The following MEIS1 variants were observed in gnomAD, a reference collection of about 807,000 sequenced individuals.
MEIS1 encodes the protein Meis homeobox 1.
A neutral mutation model predicts 50.8 loss-of-function variants in MEIS1; 5 were observed. That is an observed-to-expected ratio of 0.10 (90% CI 0.05 to 0.21). The LOEUF is 0.21. Among genes scored for constraint, MEIS1 ranks in the 10% least tolerant of loss-of-function variants. MEIS1 has a pLI of 1.00. For missense variants in MEIS1, 318 were observed against 517.3 expected, an observed-to-expected ratio of 0.61 and a Z score of 3.74; for synonymous variants, 176 against 179.3, an observed-to-expected ratio of 0.98 and a Z score of 0.15.
intron 7 of MEIS1, among the ~76,000 whole-genome samples, chr2:66,488,386 A>T (rs1036196239): frequency 6.6e-6 from 1 of 152,220 alleles, no homozygotes; most frequent in Non-Finnish European, 1.5e-5. Context: ...ACATCAAATA[A>T]ACAATGAGCT....
rs117013657 is a variant in MEIS1 at position 66,508,651 on chromosome 2, C to A, written c.743-3498C>A. 4.6e-5 allele frequency among the ~76,000 whole-genome samples: 7 copies of A among 152,352 alleles called. No individual in the cohort carries two copies. The East Asian group carries it at 1.3e-3, about 29-fold the overall frequency. ...ACTGGCCTGCTAGTTAATTGCCACACGGACTTCATGACACATGGGCAGATA... is the reference window on the plus strand; with the variant it reads ...ACTGGCCTGCTAGTTAATTGCCACAAGGACTTCATGACACATGGGCAGATA... On this transcript the variant is annotated intron_variant, in intron 7 of 12. Coordinates refer to ENST00000272369, the MANE Select transcript of MEIS1 (RefSeq NM_002398.3).
At chr2:66,564,061 C>T (rs1675280693) in intron 9 of MEIS1, among the ~76,000 whole-genome samples, 1 of 152,148 alleles carries the variant, frequency 6.6e-6, no homozygotes, top group African/African-American at 2.4e-5. Flanking sequence ...TGAGAGATTA[C>T]TACATCCTAT....
intron 12 of MEIS1, 175 bp from the exon 13 acceptor site, chr2:66,571,071 C>A: frequency 1.5e-6 from 1 of 657,820 alleles, no homozygotes; most frequent in South Asian, 2.5e-5. Context: ...TGTGAGTTTC[C>A]AGCATGATGT....
chr2:66,534,477 T>G (rs1213327148), intron 8 of MEIS1, among the ~76,000 whole-genome samples: 1 of 151,954 alleles, frequency 6.6e-6, no homozygotes, highest in African/African-American at 2.4e-5. Context: ...GAGGTTGCAG[T>G]GAGCCAAGAT....
At chr2:66,455,210 A>G (rs1317843024) in intron 6 of MEIS1, among the ~76,000 whole-genome samples, 1 of 152,200 alleles carries the variant, frequency 6.6e-6, no homozygotes. Context: ...GTAGAATTTG[A>G]ACATTCAGGG....
intron 8 of MEIS1, 134 bp downstream of exon 8, chr2:66,512,428 A>T (rs1673852742): frequency 2.0e-6 from 2 of 1,010,032 alleles, no homozygotes; most frequent in African/African-American, 3.4e-5. Context: ...CAGTTTTTGC[A>T]AAAGTATTAG....
chr2:66,447,152 G>A (rs1672172037), intron 6 of MEIS1, among the ~76,000 whole-genome samples: 1 of 152,180 alleles, frequency 6.6e-6, no homozygotes, highest in South Asian at 2.1e-4. Context: ...GATAGGGCCA[G>A]CGAATATTTA....
At chr2:66,549,728 T>G (rs1024704374) in intron 9 of MEIS1, among the ~76,000 whole-genome samples, 2 of 152,092 alleles carry the variant, frequency 1.3e-5, no homozygotes, top group Non-Finnish European at 2.9e-5. Context: ...GCTCTCTAGT[T>G]AAGAAACGAA....
intron 7 of MEIS1, among the ~76,000 whole-genome samples, chr2:66,506,684 A>G (rs556982208): frequency 2.8e-4 from 43 of 152,346 alleles, no homozygotes; most frequent in Non-Finnish European, 5.1e-4. Context: ...CTAAATGAAG[A>G]TAAAACATCT....
chr2:66,522,262 A>G (rs1490287476), intron 8 of MEIS1, among the ~76,000 whole-genome samples: 2 of 152,220 alleles, frequency 1.3e-5, no homozygotes, highest in Non-Finnish European at 2.9e-5. Context: ...CAGGCATGTC[A>G]TAGAGCAGAA....
At chr2:66,479,603 C>T (rs1265626915) in intron 7 of MEIS1, among the ~76,000 whole-genome samples, 1 of 152,098 alleles carries the variant, frequency 6.6e-6, no homozygotes, top group Non-Finnish European at 1.5e-5. Context: ...ATGCAATAGA[C>T]TTATGGTGCC....
At chr2:66,537,833 G>A (rs1389785518) in intron 8 of MEIS1, among the ~76,000 whole-genome samples, 2 of 152,126 alleles carry the variant, frequency 1.3e-5, no homozygotes, top group Non-Finnish European at 2.9e-5. Context: ...TTTAGCTGAC[G>A]TGCTCTCTGA....
intron 10 of MEIS1, 126 bp downstream of exon 10, chr2:66,567,637 T>A (rs770748929): frequency 1.2e-6 from 1 of 826,304 alleles, no homozygotes; most frequent in African/African-American, 1.7e-5. Flanking sequence ...GCAATTAAAA[T>A]TAAACCAGTT....
At chr2:66,451,851 G>A (rs1342044200) in intron 6 of MEIS1, among the ~76,000 whole-genome samples, 1 of 151,730 alleles carries the variant, frequency 6.6e-6, no homozygotes, top group Non-Finnish European at 1.5e-5. Context: ...GCTAGTGCAG[G>A]TGGGCTATTT....
At chr2:66,508,904 C>G in intron 7 of MEIS1, 1 of 425,294 alleles carries the variant, frequency 2.4e-6, no homozygotes, top group South Asian at 1.8e-5. Flanking sequence ...TCCACCTTTT[C>G]AGTTTGCCTT....
chr2:66,507,675 A>T (rs1050784270), intron 7 of MEIS1, among the ~76,000 whole-genome samples: 1 of 152,180 alleles, frequency 6.6e-6, no homozygotes, highest in African/African-American at 2.4e-5. Context: ...TAGGGAGAGA[A>T]AAAAAATGGA....
chr2:66,435,913 T>C, intron 1 of MEIS1, 45 bp downstream of exon 1: 1 of 1,529,908 alleles, frequency 6.5e-7, no homozygotes, highest in Non-Finnish European at 8.7e-7. Context: ...TGAGATTAAA[T>C]TGAAACGTGG....
At chr2:66,561,458 TATATCAA>T (rs1403490287) in intron 9 of MEIS1, among the ~76,000 whole-genome samples, 1 of 152,032 alleles carries the variant, frequency 6.6e-6, no homozygotes, top group Non-Finnish European at 1.5e-5. Context: ...AAATGAATTA[TATATCAA>T]TTATCATCTG....
At chr2:66,461,129 C>T (rs557667445) in intron 6 of MEIS1, among the ~76,000 whole-genome samples, 43 of 152,290 alleles carry the variant, frequency 2.8e-4, no homozygotes, top group African/African-American at 1.0e-3. Context: ...TGATTTTATT[C>T]TGTCAGCCTT....
Sources: allele counts gnomAD v4.1 joint callset (sites outside exome capture counted in the v4.1 genomes callset), GRCh38; gene constraint gnomAD v4.1.1; transcripts MANE v1.5; gene names NCBI Gene and HGNC (gene_info 2026-07-23, HGNC 2026-07-21).